DCLK1: variants seen among roughly 807,000 people sequenced by gnomAD.
DCLK1 encodes the protein serine/threonine-protein kinase DCLK1.
Under a neutral mutation model 86.2 loss-of-function variants are expected in DCLK1, and 16 were observed. The ratio of observed to expected loss-of-function variants is 0.19; its 90% CI spans 0.13 to 0.28. The LOEUF (loss-of-function observed/expected upper bound fraction) is 0.28, where lower values mean the gene tolerates loss of function less well. Among genes scored for constraint, DCLK1 ranks in the 10% least tolerant of loss-of-function variants. The pLI is 1.00. For synonymous variants in DCLK1, 369 were observed against 370.5 expected, an observed-to-expected ratio of 1.00 and a Z score of 0.05; for missense variants, 590 against 940.2, an observed-to-expected ratio of 0.63 and a Z score of 4.87.
At chr13:35,994,806 C>G (rs1880402049) in intron 3 of DCLK1, among the ~76,000 whole-genome samples, 1 of 152,202 alleles carries the variant, frequency 6.6e-6, no homozygotes, top group Non-Finnish European at 1.5e-5. Flanking sequence ...TTTAAATTTT[C>G]AAGCAATTGC....
intron 15 of DCLK1, among the ~76,000 whole-genome samples, chr13:35,793,905 G>A (rs1236508238): frequency 6.6e-6 from 1 of 152,036 alleles, no homozygotes; most frequent in Non-Finnish European, 1.5e-5. Context: ...GGTCTTGGAT[G>A]GCAAGCTTGG....
intron 6 of DCLK1, among the ~76,000 whole-genome samples, chr13:35,845,459 C>G (rs1281801481): frequency 6.6e-6 from 1 of 152,164 alleles, no homozygotes; most frequent in Non-Finnish European, 1.5e-5. Context: ...TAAATACACA[C>G]ACAGACATGC....
At chr13:35,963,610 G>A (rs1878574008) in intron 3 of DCLK1, among the ~76,000 whole-genome samples, 1 of 152,198 alleles carries the variant, frequency 6.6e-6, no homozygotes, top group African/African-American at 2.4e-5. Flanking sequence ...AACATGGTTA[G>A]ACTTTGTATC....
At chr13:35,977,436 G>A (rs1438800504) in intron 3 of DCLK1, among the ~76,000 whole-genome samples, 3 of 152,212 alleles carry the variant, frequency 2.0e-5, no homozygotes, top group Non-Finnish European at 4.4e-5. Context: ...GACTCTTTCT[G>A]AGGAGGTATA....
chr13:36,067,703 T>C (rs1302751275), intron 3 of DCLK1, among the ~76,000 whole-genome samples: 1 of 152,002 alleles, frequency 6.6e-6, no homozygotes, highest in Non-Finnish European at 1.5e-5. Flanking sequence ...ACCTCAGCTC[T>C]ACCTCCTTGA....
chr13:35,833,014 G>A (rs1007012124), intron 8 of DCLK1, among the ~76,000 whole-genome samples: 1 of 152,190 alleles, frequency 6.6e-6, no homozygotes, highest in African/African-American at 2.4e-5. Context: ...TTTCTAGGTG[G>A]AAGCAATGCA....
chr13:36,013,771 T>G (rs374244202), intron 3 of DCLK1, among the ~76,000 whole-genome samples: 1 of 152,214 alleles, frequency 6.6e-6, no homozygotes. Flanking sequence ...TCGAGCTTCC[T>G]GGCTGCTTTG....
chr13:35,894,351 G>A (rs555329961), intron 4 of DCLK1, among the ~76,000 whole-genome samples: 76 of 152,300 alleles, frequency 5.0e-4, no homozygotes, highest in African/African-American at 1.6e-3. Context: ...CGGCATCTGC[G>A]CCAGAACTTG....
At chr13:35,976,838 C>G (rs1879371676) in intron 3 of DCLK1, among the ~76,000 whole-genome samples, 1 of 152,064 alleles carries the variant, frequency 6.6e-6, no homozygotes, top group Non-Finnish European at 1.5e-5. Flanking sequence ...CCGGCCTTCT[C>G]CGAGGTTTTA....
chr13:36,076,452 A>G (rs1165355201), intron 3 of DCLK1, among the ~76,000 whole-genome samples: 1 of 152,180 alleles, frequency 6.6e-6, no homozygotes, highest in Admixed American at 6.5e-5. Flanking sequence ...GCAACTAGTC[A>G]TTTGCTGAAT....
At chr13:36,078,948 C>G (rs958061613) in intron 3 of DCLK1, among the ~76,000 whole-genome samples, 1 of 151,910 alleles carries the variant, frequency 6.6e-6, no homozygotes, top group Non-Finnish European at 1.5e-5. Flanking sequence ...AAGAGAAAAC[C>G]GAGGGGGATG....
intron 3 of DCLK1, among the ~76,000 whole-genome samples, chr13:36,101,743 T>G (rs1194425329): frequency 1.4e-5 from 2 of 148,038 alleles, no homozygotes; most frequent in Non-Finnish European, 2.9e-5. Context: ...TTTATTTAAT[T>G]TTTTTTTTCT....
Position 36,126,029 on chromosome 13 carries a change from C to A in DCLK1, c.109G>T (p.Ala37Ser), listed in dbSNP as rs760301962. 1.2e-6 allele frequency: 2 copies of A among 1,613,846 alleles called. No individual in the cohort carries two copies. Among genetic ancestry groups the A allele is most frequent in the Non-Finnish European group, 8.5e-7 (1 of 1,180,016 alleles). Residue 37 changes from alanine to serine, a missense_variant, in exon 2 of 17, where the codon GCC becomes TCC. By Grantham distance (99) the Ala-to-Ser change is moderately conservative. Transcript: ENST00000360631. ...CGGGTGCGGTAGAAGCTGCAGTGGG[C>A]GCTGTGCGTCGGGCTCGGCAGGCCG... Reference protein sequence around the residue: ...VNGLPSPTHSAHCSFYRTRTL... With the variant: ...VNGLPSPTHSSHCSFYRTRTL...
intron 11 of DCLK1, among the ~76,000 whole-genome samples, chr13:35,818,252 A>G (rs1263997266): frequency 6.6e-6 from 1 of 152,144 alleles, no homozygotes; most frequent in Non-Finnish European, 1.5e-5. Context: ...CACCAAATGG[A>G]TTTATTTGGA....
chr13:35,831,452 T>C (rs920357324), intron 8 of DCLK1, among the ~76,000 whole-genome samples: 2 of 152,100 alleles, frequency 1.3e-5, no homozygotes, highest in African/African-American at 4.8e-5. Flanking sequence ...TGGCAAGAAA[T>C]CGAATCTTAT....
intron 3 of DCLK1, among the ~76,000 whole-genome samples, chr13:35,963,997 A>G (rs1156659385): frequency 6.6e-6 from 1 of 152,234 alleles, no homozygotes; most frequent in African/African-American, 2.4e-5. Context: ...ATTTCTTTTT[A>G]GATAGAAAAA....
chr13:35,783,206 T>A (rs1023382356), intron 16 of DCLK1, among the ~76,000 whole-genome samples: 3 of 152,274 alleles, frequency 2.0e-5, no homozygotes, highest in Non-Finnish European at 1.5e-5. Flanking sequence ...AAACAGTTTA[T>A]GATTCTACTT....
intron 5 of DCLK1, among the ~76,000 whole-genome samples, chr13:35,867,942 A>AAAGG (rs911799866): frequency 2.0e-5 from 3 of 147,556 alleles, no homozygotes; most frequent in Non-Finnish European, 4.4e-5. Flanking sequence ...AGAAAGAAAG[A>AAAGG]AAGAAAGAAA....
At position 35,903,083 on chromosome 13, in the gene DCLK1, A is replaced by G. The variant is rs532079161; in HGVS notation, c.824-31743T>C. Reference sequence around the variant, plus strand: ...GCAGCCTTCTCAGTGACAATTATAAACAATTTCTGTAAAACTTCACACCCT... The same window carrying G: ...GCAGCCTTCTCAGTGACAATTATAAGCAATTTCTGTAAAACTTCACACCCT... On this transcript the variant is annotated intron_variant, in intron 4 of 16. Transcript: ENST00000360631. Among the ~76,000 whole-genome samples the G allele has an allele frequency of 1.6e-3, 238 of 152,316 alleles. 3 individuals carry two copies. The highest frequency in any genetic ancestry group is 2.2e-3 in the Non-Finnish European group (153 of 68,032).
Sources: allele counts gnomAD v4.1 joint callset (sites outside exome capture counted in the v4.1 genomes callset), GRCh38; gene constraint gnomAD v4.1.1; transcripts MANE v1.5; gene names NCBI Gene and HGNC (gene_info 2026-07-23, HGNC 2026-07-21).